CLASRP: variants seen among roughly 807,000 people sequenced by gnomAD.
CLASRP encodes the protein CLK4 associating serine/arginine rich protein.
A neutral mutation model predicts 99.9 loss-of-function variants in CLASRP; 52 were observed. The ratio of observed to expected loss-of-function variants is 0.52; its 90% CI spans 0.42 to 0.66. CLASRP has a LOEUF of 0.66. Among genes scored for constraint, CLASRP ranks in the 30% least tolerant of loss-of-function variants. The probability of loss-of-function intolerance (pLI) is 0.00; values close to 1 mark genes in which losing one functional copy is unlikely to be tolerated. For missense variants in CLASRP, 848 were observed against 999.2 expected (o/e 0.85, Z 2.04); for synonymous variants, 379 against 373.0 (o/e 1.02, Z -0.18).
intron 15 of CLASRP, 109 bp from the exon 16 acceptor site, chr19:45,068,311 T>TTCC: frequency 3.7e-6 from 2 of 543,610 alleles, no homozygotes; most frequent in South Asian, 2.0e-5. Context: ...CACGTCGTTC[T>TTCC]CCCCCCCCCA....
intron 18 of CLASRP, 63 bp from the exon 19 acceptor site, chr19:45,069,959 T>G: frequency 2.2e-6 from 2 of 910,494 alleles, no homozygotes; most frequent in Non-Finnish European, 3.7e-6. Flanking sequence ...TGGAAGCACC[T>G]GCCCTCCCTG....
chr19:45,039,563 C>G (rs1235454697), intron 1 of CLASRP: 3 of 152,732 alleles, frequency 2.0e-5, no homozygotes, highest in Non-Finnish European at 4.4e-5. Flanking sequence ...CATCTAGATC[C>G]CATCTTTAGA....
chr19:45,040,521 C>T (rs1346712654), intron 2 of CLASRP: 1 of 465,704 alleles, frequency 2.1e-6, no homozygotes, highest in African/African-American at 2.0e-5. Flanking sequence ...GGTGTGGCCT[C>T]CCAGTGCCGA....
intron 15 of CLASRP, 164 bp downstream of exon 15, chr19:45,068,218 C>G: frequency 2.9e-6 from 2 of 684,738 alleles, no homozygotes; most frequent in Non-Finnish European, 2.7e-6. Flanking sequence ...ATGTCCCTCT[C>G]CCCTCCTCAC....
chr19:45,043,305 G>A (rs1600092653), intron 2 of CLASRP, among the ~76,000 whole-genome samples: 5 of 149,962 alleles, frequency 3.3e-5, no homozygotes, highest in South Asian at 2.1e-4. Context: ...CCAGCTACTC[G>A]GGAGGCTGAG....
At position 45,067,344 on chromosome 19, in the gene CLASRP, T is replaced by A; in HGVS notation, c.1417T>A (p.Ser473Thr). The change falls in exon 14 of 21, where the codon TCC becomes ACC. Residue 473 changes from serine (S) to threonine (T), a missense_variant. By Grantham distance (58) the Ser-to-Thr change is moderately conservative (BLOSUM62 1). Around this residue, in one of 8 missense-constraint regions of CLASRP, gnomAD observed 489 missense variants for 434.7 expected, o/e 1.12. Coordinates refer to ENST00000221455, the MANE Select transcript of CLASRP (RefSeq NM_007056.3). This position sits in a 1 kb window ranked among gnomAD's most constrained non-coding sequence, Gnocchi z 4.9. ...YGPRRRSRSR[S>T]HSGDRYRRGG... ...GCCCTGCTGCATCCCCAGGAGCCGCTCCCACTCAGGGGACCGCTACAGGCG... is the reference window on the plus strand; with the variant it reads ...GCCCTGCTGCATCCCCAGGAGCCGCACCCACTCAGGGGACCGCTACAGGCG... The A allele has an allele frequency of 6.6e-7, 1 of 1,513,826 alleles. No homozygotes were observed. 93.8% of individuals were successfully genotyped at this position (1,513,826 alleles called of 1,614,324 possible). A position where few individuals can be genotyped will look rare whatever the true frequency, so the allele number is the denominator to read the frequency against.
rs192213268 is a variant in CLASRP, at chr19:45,044,402, G to A, written c.99+4091G>A. Among the ~76,000 whole-genome samples, 6 of 152,344 alleles carry A rather than the reference G, an allele frequency of 3.9e-5. No individual in the cohort carries two copies. The East Asian group carries it at 1.2e-3, about 29-fold the overall frequency. The stretch of plus-strand genomic sequence containing the variant: ...ATCAAAGCCACACCCAAGACTAGGA[G>A]GTGGTTCTTACTATTTCCATTTTAC... On this transcript the variant is annotated intron_variant, in intron 2 of 20. Transcript: ENST00000221455.
At chr19:45,056,337 C>T (rs994681517) in intron 5 of CLASRP, 113 bp from the exon 6 acceptor site, 2 of 834,948 alleles carry the variant, frequency 2.4e-6, no homozygotes, top group African/African-American at 3.3e-5. Context: ...GACTGCCCCC[C>T]AAGGTGCACT....
chr19:45,057,352 C>A (rs1263540074), intron 6 of CLASRP, among the ~76,000 whole-genome samples: 2 of 152,222 alleles, frequency 1.3e-5, no homozygotes, highest in South Asian at 2.1e-4. Flanking sequence ...TCCACGGCCC[C>A]AGCCTCAGGA....
At chr19:45,044,739 G>A (rs1453925143) in intron 2 of CLASRP, among the ~76,000 whole-genome samples, 1 of 152,140 alleles carries the variant, frequency 6.6e-6, no homozygotes, top group Non-Finnish European at 1.5e-5. Context: ...TGGAACCTGG[G>A]TGACAGAGTG....
chr19:45,040,791 C>T (rs988931567), intron 2 of CLASRP: 6 of 159,384 alleles, frequency 3.8e-5, no homozygotes, highest in African/African-American at 1.4e-4. Context: ...GGGTGAAACC[C>T]CATCTCTACT....
At chr19:45,049,581 C>T (rs891095061) in intron 2 of CLASRP, among the ~76,000 whole-genome samples, 1 of 152,174 alleles carries the variant, frequency 6.6e-6, no homozygotes, top group Non-Finnish European at 1.5e-5. Flanking sequence ...TCCTTCAGCC[C>T]GGACTGCACC....
In CLASRP at chr19:45,067,463, C is replaced by G. The variant is rs1175402646; in HGVS notation, c.1536C>G (p.Arg512=). ...GCAGTCGCAGCCTGACTCGCAGCCG[C>G]AGCCATAGCCCCAGCCCCAGCCAGA... is the stretch of plus-strand genomic sequence containing the variant. The part of the protein sequence containing the change: ...PSRSRSLTRS[R]SHSPSPSQSR... The change falls in exon 14 of 21, where the codon CGC becomes CGG. Residue 512 remains arginine (R), a synonymous_variant. Transcript: ENST00000221455. The surrounding 1 kb of genome is among the most constrained non-coding windows in gnomAD (Gnocchi z 4.9). 6.4e-7 allele frequency: 1 copy of G among 1,554,458 alleles called. No individual in the cohort carries two copies. The highest frequency in any genetic ancestry group is 1.4e-5 in the African/African-American group (1 of 73,292).
chr19:45,046,907 G>A (rs1971927479), intron 2 of CLASRP, among the ~76,000 whole-genome samples: 1 of 152,112 alleles, frequency 6.6e-6, no homozygotes, highest in Non-Finnish European at 1.5e-5. Context: ...CATGCCTGCA[G>A]TTCCAGCTAC....
intron 2 of CLASRP, among the ~76,000 whole-genome samples, chr19:45,049,880 C>T (rs368510969): frequency 2.0e-5 from 3 of 152,128 alleles, no homozygotes; most frequent in South Asian, 4.2e-4. Context: ...CAGGTGGTAG[C>T]GGGTGCTCAA....
At chr19:45,045,519 A>G (rs905428238) in intron 2 of CLASRP, among the ~76,000 whole-genome samples, 1 of 146,490 alleles carries the variant, frequency 6.8e-6, no homozygotes, top group Non-Finnish European at 1.6e-5. Context: ...CCTGTCTTTA[A>G]AAAAAAAGTT....
chr19:45,056,416 C>T (rs1404888069), intron 5 of CLASRP, 34 bp from the exon 6 acceptor site: 2 of 1,595,108 alleles, frequency 1.3e-6, no homozygotes, highest in Non-Finnish European at 1.7e-6. Context: ...GTGTCCCCAA[C>T]CCACTCTGAC....
intron 11 of CLASRP, among the ~76,000 whole-genome samples, chr19:45,063,304 G>A (rs2122590311): frequency 6.6e-6 from 1 of 151,776 alleles, no homozygotes; most frequent in East Asian, 1.9e-4. Context: ...ATCACACCTG[G>A]CCACTTTGTT....
chr19:45,043,112 T>C (rs961374885), intron 2 of CLASRP, among the ~76,000 whole-genome samples: 2 of 152,000 alleles, frequency 1.3e-5, no homozygotes, highest in Non-Finnish European at 2.9e-5. Flanking sequence ...CCCTAAGATA[T>C]CTCATTATGA....
Sources: gnomAD v4.1 joint callset for allele counts (sites outside exome capture counted in the v4.1 genomes callset) on GRCh38, gnomAD v4.1.1 for gene constraint, gnomAD v4.1.1 regional missense constraint, Gnocchi (gnomAD v3.1) non-coding constraint, MANE v1.5 for transcripts, NCBI Gene and HGNC (gene_info 2026-07-23, HGNC 2026-07-21) for gene names.